PTGES3: variants seen among roughly 807,000 people sequenced by gnomAD.
PTGES3 encodes the protein Hsp90 co-chaperone.
Under a neutral mutation model 29.9 loss-of-function variants are expected in PTGES3, and 5 were observed. That is an observed-to-expected ratio of 0.17 (90% confidence interval 0.09 to 0.35). The LOEUF is 0.35. Among genes scored for constraint, PTGES3 ranks in the 10% least tolerant of loss-of-function variants. The pLI is 1.00. For missense variants in PTGES3, 128 were observed against 190.0 expected, an observed-to-expected ratio of 0.67 and a Z score of 1.92; for synonymous variants, 49 against 57.8, an observed-to-expected ratio of 0.85 and a Z score of 0.69.
chr12:56,685,689 C>A (rs553940992), intron 1 of PTGES3, among the ~76,000 whole-genome samples: 16 of 151,544 alleles, frequency 1.1e-4, no homozygotes, highest in South Asian at 4.2e-4. Context: ...AGTGAGCCAC[C>A]CCGCCCGGCA....
In PTGES3 at chr12:56,664,448, T is replaced by A; in HGVS notation, c.*31A>T. On this transcript the variant is annotated 3_prime_UTR_variant, in exon 8 of 8. Transcript: ENST00000262033. The stretch of plus-strand genomic sequence containing the variant: ...AAATCTTGCAGAGAAGTTATTTTTC[T>A]TTCTCAAAATCCAGGTGATGACAAT... 1 of 1,598,678 alleles carries A rather than the reference T, an allele frequency of 6.3e-7. No homozygotes were observed. The highest frequency in any genetic ancestry group is 8.5e-7 in the Non-Finnish European group (1 of 1,174,648).
At position 56,663,381 on chromosome 12, in the gene PTGES3, A is replaced by G. The variant is rs190513189; in HGVS notation, c.*1098T>C. ...GGACAACACATTTAGTTTTATTTCA[A>G]TCAAATCACACAACACTTTCTTTTC... On this transcript the variant is annotated 3_prime_UTR_variant, in exon 8 of 8. Coordinates refer to ENST00000262033, the MANE Select transcript of PTGES3 (RefSeq NM_006601.7). 120 of 152,212 alleles carry G rather than the reference A, an allele frequency of 7.9e-4. No homozygotes were observed. The highest frequency in any genetic ancestry group is 2.8e-3 in the African/African-American group (115 of 41,506). The allele number at this position is 152,212 out of a possible 1,614,324, so 9.4% of individuals were successfully genotyped here.
intron 6 of PTGES3, 194 bp from the exon 7 acceptor site, chr12:56,664,994 T>A (rs1951732937): frequency 2.0e-6 from 2 of 985,330 alleles, no homozygotes; most frequent in African/African-American, 3.5e-5. Flanking sequence ...AGAGGATTTA[T>A]CTACCTATAA....
chr12:56,668,387 T>C (rs1565860597), intron 5 of PTGES3, among the ~76,000 whole-genome samples: 1 of 152,094 alleles, frequency 6.6e-6, no homozygotes, highest in Admixed American at 6.6e-5. Context: ...ATGTAAGAGA[T>C]AACAACAAAA....
intron 5 of PTGES3, 60 bp downstream of exon 5, chr12:56,670,215 G>T: frequency 1.8e-6 from 2 of 1,138,570 alleles, no homozygotes; most frequent in South Asian, 1.3e-5. Context: ...ATATTAAATT[G>T]ACTACATAGA....
Position 56,687,271 on chromosome 12 carries a change from A to T in PTGES3, c.2+727T>A, listed in dbSNP as rs555128519. 25 of 1,000,716 alleles carry T rather than the reference A, an allele frequency of 2.5e-5. No homozygotes were observed. In the South Asian group the frequency reaches 1.2e-3, roughly 47 times the overall value. 62.0% of individuals were successfully genotyped at this position (1,000,716 alleles called of 1,614,324 possible). A position where few individuals can be genotyped will look rare whatever the true frequency, so the allele number is the denominator to read the frequency against. On this transcript the variant is annotated intron_variant, in intron 1 of 7. Transcript: ENST00000262033. Reference sequence around the variant, plus strand: ...TCACCTCAAGTAGAACATGAAACACAGAAAATGTCCGTATCTTTCCAAAGT... The same window carrying T: ...TCACCTCAAGTAGAACATGAAACACTGAAAATGTCCGTATCTTTCCAAAGT...
intron 1 of PTGES3, chr12:56,687,719 G>GA (rs1952948302): frequency 1.4e-5 from 19 of 1,354,170 alleles, no homozygotes; most frequent in Non-Finnish European, 1.8e-5. Context: ...TGAAGTTACC[G>GA]AAAGAGGCGA....
intron 1 of PTGES3, among the ~76,000 whole-genome samples, chr12:56,685,447 C>A (rs567940575): frequency 3.5e-5 from 5 of 144,808 alleles, no homozygotes; most frequent in African/African-American, 1.0e-4. Flanking sequence ...GTCGCCCAGG[C>A]TGGAGTACAG....
chr12:56,671,886 G>A (rs751967276), intron 3 of PTGES3, 39 bp from the exon 4 acceptor site: 2 of 1,256,284 alleles, frequency 1.6e-6, no homozygotes, highest in African/African-American at 1.5e-5. Flanking sequence ...TATCTTTCCA[G>A]CATCACTACA....
At chr12:56,666,041 C>CA (rs1951772219) in intron 6 of PTGES3, 163 bp downstream of exon 6, 1 of 1,388,942 alleles carries the variant, frequency 7.2e-7, no homozygotes, top group African/African-American at 1.5e-5. Context: ...ATAGATACCC[C>CA]CATTCGTCAA....
chr12:56,670,448 A>G (rs1446555951), intron 4 of PTGES3, 84 bp from the exon 5 acceptor site: 8 of 999,252 alleles, frequency 8.0e-6, no homozygotes, highest in South Asian at 2.6e-5. Context: ...CTTTTCTTCT[A>G]AAGAGACCAG....
At chr12:56,672,832 A>G (rs748003234) in intron 2 of PTGES3, 23 bp from the exon 3 acceptor site, 2 of 1,565,554 alleles carry the variant, frequency 1.3e-6, no homozygotes, top group South Asian at 2.4e-5. Flanking sequence ...ATAAAGAAAG[A>G]ATTAAGCCTC....
chr12:56,677,759 T>G (rs946842361), intron 1 of PTGES3, among the ~76,000 whole-genome samples: 5 of 152,128 alleles, frequency 3.3e-5, no homozygotes, highest in Non-Finnish European at 5.9e-5. Flanking sequence ...ATGGAGGGGT[T>G]TGCAGTACAA....
intron 1 of PTGES3, among the ~76,000 whole-genome samples, chr12:56,682,890 A>C (rs978229691): frequency 6.6e-6 from 1 of 151,954 alleles, no homozygotes; most frequent in South Asian, 2.1e-4. Flanking sequence ...GCTACTTGGG[A>C]GTCTGAGAGA....
intron 1 of PTGES3, among the ~76,000 whole-genome samples, chr12:56,678,512 T>G (rs928237434): frequency 6.6e-6 from 1 of 152,206 alleles, no homozygotes; most frequent in African/African-American, 2.4e-5. Context: ...GCATTGCACA[T>G]AGTAAAACTA....
At chr12:56,685,235 T>A (rs1952767557) in intron 1 of PTGES3, among the ~76,000 whole-genome samples, 1 of 152,170 alleles carries the variant, frequency 6.6e-6, no homozygotes, top group Admixed American at 6.6e-5. Context: ...ATTTTAAAAT[T>A]TAAGTCTTTA....
chr12:56,682,399 T>C (rs1011607809), intron 1 of PTGES3, among the ~76,000 whole-genome samples: 43 of 151,800 alleles, frequency 2.8e-4, no homozygotes, highest in African/African-American at 9.7e-4. Flanking sequence ...CCCCCGTCTC[T>C]AAAAAAAATT....
chr12:56,669,051 C>T (rs1951895505), intron 5 of PTGES3, among the ~76,000 whole-genome samples: 1 of 123,656 alleles, frequency 8.1e-6, no homozygotes, highest in Admixed American at 1.1e-4. Context: ...GCTCTGTCGC[C>T]CAGGCTGGAG....
At chr12:56,668,062 C>T (rs536174933) in intron 5 of PTGES3, among the ~76,000 whole-genome samples, 4 of 152,268 alleles carry the variant, frequency 2.6e-5, no homozygotes, top group African/African-American at 4.8e-5. Flanking sequence ...GAGCCAAGAT[C>T]GTGCCATTGC....
Sources: gnomAD v4.1 joint callset for allele counts (sites outside exome capture counted in the v4.1 genomes callset) on GRCh38, gnomAD v4.1.1 for gene constraint, MANE v1.5 for transcripts, NCBI Gene and HGNC (gene_info 2026-07-23, HGNC 2026-07-21) for gene names.